The following SH3GL3 variants were observed in gnomAD, a reference collection of about 807,000 sequenced individuals.
SH3GL3 encodes endophilin-A3.
Under a neutral mutation model 47.7 loss-of-function variants are expected in SH3GL3, and 33 were observed. That is an observed-to-expected ratio of 0.69 (90% CI 0.52 to 0.92). The LOEUF is 0.92. Among genes scored for constraint, SH3GL3 ranks in the 40% least tolerant of loss-of-function variants. The probability of loss-of-function intolerance (pLI) is 0.00; values close to 1 mark genes in which losing one functional copy is unlikely to be tolerated. For missense variants in SH3GL3, 363 were observed against 417.8 expected (o/e 0.87, Z 1.14); for synonymous variants, 155 against 148.8 (o/e 1.04, Z -0.30).
intron 1 of SH3GL3, among the ~76,000 whole-genome samples, chr15:83,496,880 C>G (rs977712616): frequency 6.6e-6 from 1 of 152,156 alleles, no homozygotes; most frequent in African/African-American, 2.4e-5. Flanking sequence ...AGAGGCCTGG[C>G]TCTTTTCCTG....
chr15:83,487,444 T>G (rs2041654648), intron 1 of SH3GL3, among the ~76,000 whole-genome samples: 1 of 152,156 alleles, frequency 6.6e-6, no homozygotes, highest in Non-Finnish European at 1.5e-5. Flanking sequence ...CCTCTTCTGT[T>G]TGGTATGTGG....
At chr15:83,632,874 T>C in the SH3GL3 span, among the ~76,000 whole-genome samples, 1 of 152,058 alleles carries the variant, frequency 6.6e-6, no homozygotes. Flanking sequence ...AATAAGCAAT[T>C]TAAAATGGTC....
chr15:83,484,705 A>G (rs966594460), intron 1 of SH3GL3, among the ~76,000 whole-genome samples: 1 of 152,108 alleles, frequency 6.6e-6, no homozygotes, highest in African/African-American at 2.4e-5. Context: ...GTCTCTCTTC[A>G]TAATCCTGTT....
At chr15:83,468,959 G>A (rs2040709753) in intron 1 of SH3GL3, among the ~76,000 whole-genome samples, 1 of 151,918 alleles carries the variant, frequency 6.6e-6, no homozygotes, top group African/African-American at 2.4e-5. Flanking sequence ...TCTAGGCCTG[G>A]TGATTTCTCA....
the SH3GL3 span, among the ~76,000 whole-genome samples, chr15:83,624,048 A>G: frequency 1.3e-5 from 2 of 152,114 alleles, no homozygotes; most frequent in East Asian, 1.9e-4. Flanking sequence ...CGGCCTCCCA[A>G]AGTGCTGGGA....
In SH3GL3 at chr15:83,534,746, C is replaced by T. The variant is rs181428006; in HGVS notation, c.46-24507C>T. 3.5e-3 allele frequency among the ~76,000 whole-genome samples: 530 copies of T among 152,278 alleles called. 2 individuals carry two copies. Among genetic ancestry groups the T allele is most frequent in the Middle Eastern group, 0.02 (6 of 294 alleles). On this transcript the variant is annotated intron_variant, in intron 1 of 8. Coordinates refer to ENST00000427482, the MANE Select transcript of SH3GL3 (RefSeq NM_003027.5). ...GAAAGCAGCAGAAATTGCAATATTT[C>T]CAGAGTATTGAGGAAGGAATAGAAT...
intron 1 of SH3GL3, among the ~76,000 whole-genome samples, chr15:83,492,362 G>A (rs2895930): frequency 0.1 from 15,770 of 150,626 alleles, 942 homozygotes; most frequent in East Asian, 0.25. Context: ...GAAGTCCATC[G>A]GATTTAGAAT....
At chr15:83,546,024 A>G (rs1324816619) in intron 1 of SH3GL3, among the ~76,000 whole-genome samples, 2 of 152,070 alleles carry the variant, frequency 1.3e-5, no homozygotes, top group Non-Finnish European at 2.9e-5. Context: ...TATTACAACT[A>G]TTTCCTGAAT....
chr15:83,450,645 T>C (rs1411640631), intron 1 of SH3GL3, among the ~76,000 whole-genome samples: 1 of 149,544 alleles, frequency 6.7e-6, no homozygotes, highest in Non-Finnish European at 1.5e-5. Flanking sequence ...AGAATATAAG[T>C]TAACAAAAAA....
intron 1 of SH3GL3, among the ~76,000 whole-genome samples, chr15:83,537,685 T>C (rs1405314338): frequency 2.6e-5 from 4 of 152,180 alleles, no homozygotes; most frequent in Non-Finnish European, 5.9e-5. Context: ...ATTTTTACAT[T>C]GTTTAGACTT....
chr15:83,576,059 G>T lies in SH3GL3; in HGVS notation c.466-524G>T, dbSNP rs117136554. ...GGTTGTCTGTGAATCTCTCTCCTTT[G>T]CATTCATTAACAGCGTTTTACGCAA... On this transcript the variant is annotated intron_variant, in intron 5 of 8. Transcript: ENST00000427482. 8.1e-4 allele frequency among the ~76,000 whole-genome samples: 123 copies of T among 152,188 alleles called. 1 individual carries two copies. In the East Asian group the frequency reaches 0.023, roughly 28 times the overall value.
At chr15:83,594,238 AGAT>A (rs1417856544) in intron 8 of SH3GL3, among the ~76,000 whole-genome samples, 1 of 152,192 alleles carries the variant, frequency 6.6e-6, no homozygotes, top group Non-Finnish European at 1.5e-5. Context: ...GTATCTGTTG[AGAT>A]GATCGTTTAT....
chr15:83,516,973 A>G (rs1037146665), intron 1 of SH3GL3, among the ~76,000 whole-genome samples: 8 of 152,070 alleles, frequency 5.3e-5, no homozygotes, highest in African/African-American at 1.9e-4. Context: ...GCAGTATAGA[A>G]TACCATTGTA....
intron 4 of SH3GL3, among the ~76,000 whole-genome samples, chr15:83,570,992 GA>G (rs1189237033): frequency 6.6e-6 from 1 of 152,124 alleles, no homozygotes; most frequent in Non-Finnish European, 1.5e-5. Context: ...CTCGGCAACC[GA>G]AAAAAACTTG....
At chr15:83,459,890 G>A (rs1181914055) in intron 1 of SH3GL3, among the ~76,000 whole-genome samples, 2 of 151,818 alleles carry the variant, frequency 1.3e-5, no homozygotes, top group Non-Finnish European at 2.9e-5. Flanking sequence ...TTTTTAACTG[G>A]AGTGGTGACT....
intron 2 of SH3GL3, among the ~76,000 whole-genome samples, chr15:83,561,926 T>C (rs2045293393): frequency 6.6e-6 from 1 of 151,982 alleles, no homozygotes; most frequent in Non-Finnish European, 1.5e-5. Context: ...CCAGGTTGAC[T>C]TCACAAAAAA....
intron 8 of SH3GL3, among the ~76,000 whole-genome samples, chr15:83,604,037 G>C (rs2060454694): frequency 6.6e-6 from 1 of 152,152 alleles, no homozygotes; most frequent in Non-Finnish European, 1.5e-5. Context: ...GGGAGGCTGA[G>C]GCAGGAGAAT....
chr15:83,576,622 G>GAT lies in SH3GL3; in HGVS notation c.506_507dup (p.Tyr170IlefsTer7). ...GCTGGAAGGCCGCCGCCTGGATTAC[G>GAT]ATTATAAAAAGAAACGAGTAGGTAA... On this transcript the variant is annotated frameshift_variant, in exon 6 of 9. Transcript: ENST00000427482. LOFTEE classifies it high-confidence loss of function. 2 of 1,611,810 alleles carry GAT rather than the reference G, an allele frequency of 1.2e-6. No homozygotes were observed. Among genetic ancestry groups the GAT allele is most frequent in the Non-Finnish European group, 1.7e-6 (2 of 1,179,234 alleles).
chr15:83,597,865 C>T (rs1025720451), intron 8 of SH3GL3, among the ~76,000 whole-genome samples: 3 of 152,200 alleles, frequency 2.0e-5, no homozygotes, highest in Non-Finnish European at 4.4e-5. Context: ...AACTCGGCCT[C>T]CCGAAGTGCT....
Sources: allele counts gnomAD v4.1 joint callset (sites outside exome capture counted in the v4.1 genomes callset), GRCh38; gene constraint gnomAD v4.1.1; transcripts MANE v1.5; gene names NCBI Gene and HGNC (gene_info 2026-07-23, HGNC 2026-07-21).